The following IPO9 variants were observed in gnomAD, a reference collection of about 807,000 sequenced individuals.
IPO9 encodes the protein importin-9.
Under a neutral mutation model 128.6 loss-of-function variants are expected in IPO9, and 28 were observed. The observed-to-expected ratio is 0.22, with a 90% CI of 0.16 to 0.30. The LOEUF is 0.30. Ranked by LOEUF, IPO9 falls within the 10% of genes least tolerant of loss-of-function variation. The pLI is 1.00. For missense variants in IPO9, 935 were observed against 1,293.9 expected (o/e 0.72, Z 4.26); for synonymous variants, 455 against 475.8 (o/e 0.96, Z 0.57).
At position 201,872,813 on chromosome 1, in the gene IPO9, G is replaced by T. The variant is rs1335461525; in HGVS notation, c.2577-15G>T. 3.1e-6 allele frequency: 5 copies of T among 1,593,566 alleles called. No individual in the cohort carries two copies. Among genetic ancestry groups the T allele is most frequent in the Admixed American group, 3.6e-5 (2 of 55,748 alleles). On this transcript the variant is annotated splice_polypyrimidine_tract_variant and intron_variant, in intron 19 of 23. Coordinates refer to ENST00000361565, the MANE Select transcript of IPO9 (RefSeq NM_018085.5). ...TGGGCGGCTGATTGACCTTTTTTTGGATCTTCCTTGCCAGCTCTGTGGCAC... is the reference window on the plus strand; with the variant it reads ...TGGGCGGCTGATTGACCTTTTTTTGTATCTTCCTTGCCAGCTCTGTGGCAC...
chr1:201,866,103 G>A (rs12058915), intron 14 of IPO9, among the ~76,000 whole-genome samples: 2,360 of 152,208 alleles, frequency 0.016, 58 homozygotes, highest in African/African-American at 0.051. Flanking sequence ...TCTTTACCCT[G>A]AAGTCTCCAG....
chr1:201,844,053 C>A (rs1025420281), intron 1 of IPO9, among the ~76,000 whole-genome samples: 1 of 152,020 alleles, frequency 6.6e-6, no homozygotes, highest in Non-Finnish European at 1.5e-5. Context: ...GTAACACCCA[C>A]AGATGGATGC....
At chr1:201,855,701 A>C (rs553179469) in intron 9 of IPO9, 82 bp from the exon 10 acceptor site, 3 of 1,211,384 alleles carry the variant, frequency 2.5e-6, no homozygotes, top group African/African-American at 3.1e-5. Context: ...TAATTTACAA[A>C]GGTTATGTAG....
chr1:201,875,065 G>A (rs1163870476), intron 22 of IPO9, 87 bp from the exon 23 acceptor site: 14 of 1,393,644 alleles, frequency 1.0e-5, no homozygotes, highest in African/African-American at 1.4e-5. Context: ...TGCACCTTCC[G>A]CCTCAGTCAT....
At position 201,834,159 on chromosome 1, in the gene IPO9, A is replaced by T. The variant is rs183266173; in HGVS notation, c.163+4787A>T. ...CTTCTACCTAAATAGGGTAAAAAAA[A>T]TTTTTTTTAAGTTTTTTTATTCGTT... On this transcript the variant is annotated intron_variant, in intron 1 of 23. Transcript: ENST00000361565. Among the ~76,000 whole-genome samples the T allele has an allele frequency of 6.5e-3, 970 of 149,308 alleles. 9 individuals are homozygous for T. The highest frequency in any genetic ancestry group is 0.022 in the African/African-American group (884 of 40,484).
chr1:201,865,650 T>C (rs1558223185), intron 14 of IPO9, among the ~76,000 whole-genome samples: 1 of 152,214 alleles, frequency 6.6e-6, no homozygotes, highest in Admixed American at 6.5e-5. Flanking sequence ...TTAAATAATC[T>C]CTGAAACAAG....
chr1:201,872,926 A>G lies in IPO9; in HGVS notation c.2675A>G (p.Asp892Gly). 1 of 1,613,844 alleles carries G rather than the reference A, an allele frequency of 6.2e-7. No homozygotes were observed. Among genetic ancestry groups the G allele is most frequent in the Non-Finnish European group, 8.5e-7 (1 of 1,179,920 alleles). Residue 892 changes from aspartate (D) to glycine (G), a missense_variant, in exon 20 of 24, where the codon GAT (aspartate) becomes GGT (glycine). By Grantham distance (94) the Asp-to-Gly change is moderately conservative. This residue lies in a region of IPO9 where 188 missense variants were observed against 246.7 expected (regional missense o/e 0.76). Transcript: ENST00000361565. The part of the protein sequence containing the change: ...RVKGEEIYSM[D>G]EGIRTRSKSA... ...AAGGGAGAGGAGATCTACAGCATGG[A>G]TGAGGGCATCCGCACCCGCTCTAAG...
intron 13 of IPO9, among the ~76,000 whole-genome samples, chr1:201,861,460 G>A (rs1269894103): frequency 6.6e-6 from 1 of 152,194 alleles, no homozygotes; most frequent in Non-Finnish European, 1.5e-5. Context: ...TAGGCTTTGT[G>A]TTACGTGAGT....
In IPO9 at chr1:201,858,531, A is replaced by G. The variant is rs1341579070; in HGVS notation, c.1306A>G (p.Lys436Glu). 1.3e-6 allele frequency: 2 copies of G among 1,584,398 alleles called. No homozygotes were observed. Among genetic ancestry groups the G allele is most frequent in the Non-Finnish European group, 8.6e-7 (1 of 1,164,614 alleles). ...TRHLQEAEQT[K>E]NSGTEHWWKI... ...ACATTTACAAGAAGCTGAGCAAACC[A>G]AAAACAGTGGCACTGAGCACTGGTA... Residue 436 changes from lysine (K) to glutamate (E), a missense_variant, in exon 12 of 24, where the codon AAA (lysine) becomes GAA (glutamate). Lys to Glu is a moderately conservative substitution (Grantham distance 56). Around this residue, in one of 3 missense-constraint regions of IPO9, gnomAD observed 741 missense variants for 1,019.1 expected, o/e 0.73. Coordinates refer to ENST00000361565, the MANE Select transcript of IPO9 (RefSeq NM_018085.5).
rs34353605 is a variant in IPO9 at position 201,868,806 on chromosome 1, C to CGT, written c.2004+32_2004+33dup. The CGT allele has an allele frequency of 0.014, 19,074 of 1,346,966 alleles. 32 individuals are homozygous for CGT. The highest frequency in any genetic ancestry group is 0.049 in the Middle Eastern group (253 of 5,160). 83.4% of individuals were successfully genotyped at this position (1,346,966 alleles called of 1,614,324 possible). A position where few individuals can be genotyped will look rare whatever the true frequency, so the allele number is the denominator to read the frequency against. On this transcript the variant is annotated intron_variant, in intron 16 of 23. Transcript: ENST00000361565. The stretch of plus-strand genomic sequence containing the variant: ...TGCAGGGCTTTGTGCGGTAAGTGGC[C>CGT]GTGTGTGTGTGTGTGTGTGTGTGAG...
chr1:201,844,261 A>G (rs973014252), intron 1 of IPO9, among the ~76,000 whole-genome samples: 10 of 152,220 alleles, frequency 6.6e-5, no homozygotes, highest in Non-Finnish European at 2.9e-5. Context: ...CTAATATGAT[A>G]TACTGAGAAG....
intron 20 of IPO9, 139 bp from the exon 21 acceptor site, chr1:201,874,111 T>G: frequency 1.2e-6 from 1 of 825,884 alleles, no homozygotes; most frequent in Non-Finnish European, 1.9e-6. Context: ...AGTCACTCTT[T>G]GGAGACTGGA....
At chr1:201,871,575 T>C (rs571586601) in intron 19 of IPO9, among the ~76,000 whole-genome samples, 1 of 152,064 alleles carries the variant, frequency 6.6e-6, no homozygotes, top group East Asian at 1.9e-4. Context: ...GTGTTTTTAG[T>C]AGAGAGAGGG....
intron 14 of IPO9, among the ~76,000 whole-genome samples, chr1:201,864,249 C>T (rs1377399665): frequency 1.3e-5 from 2 of 152,122 alleles, no homozygotes; most frequent in African/African-American, 4.8e-5. Flanking sequence ...TTTGAGATGC[C>T]GTGTGTTATA....
intron 13 of IPO9, among the ~76,000 whole-genome samples, chr1:201,860,940 G>A (rs12117921): frequency 0.21 from 31,946 of 152,052 alleles, 3,495 homozygotes; most frequent in South Asian, 0.26. Flanking sequence ...GGCTGAGGTG[G>A]GCGGATCATG....
intron 1 of IPO9, among the ~76,000 whole-genome samples, chr1:201,836,809 T>C (rs748116296): frequency 2.6e-5 from 4 of 152,224 alleles, no homozygotes; most frequent in Admixed American, 6.5e-5. Context: ...TTTTGAGGCT[T>C]TGAAACATGT....
chr1:201,876,317 A>G lies in IPO9; in HGVS notation c.*263A>G. The G allele has an allele frequency of 1.7e-6, 1 of 574,134 alleles. No homozygotes were observed. Among genetic ancestry groups the G allele is most frequent in the Non-Finnish European group, 3.2e-6 (1 of 310,660 alleles). The allele number at this position is 574,134 out of a possible 1,614,324, so 35.6% of individuals were successfully genotyped here. A position where few individuals can be genotyped will look rare whatever the true frequency, so the allele number is the denominator to read the frequency against. Reference sequence around the variant, plus strand: ...CTTTTTTCTCCCCGACTCTACCCCCACCTCTGTTCCTAGAGCCCTCTGCTG... The same window carrying G: ...CTTTTTTCTCCCCGACTCTACCCCCGCCTCTGTTCCTAGAGCCCTCTGCTG... On this transcript the variant is annotated 3_prime_UTR_variant, in exon 24 of 24. Transcript: ENST00000361565.
intron 20 of IPO9, 74 bp from the exon 21 acceptor site, chr1:201,874,176 G>A: frequency 6.5e-7 from 1 of 1,543,084 alleles, no homozygotes; most frequent in Non-Finnish European, 8.9e-7. Flanking sequence ...GAGTGGCACT[G>A]AGGAGAGGAC....
At chr1:201,835,405 G>T (rs569202848) in intron 1 of IPO9, among the ~76,000 whole-genome samples, 26 of 152,234 alleles carry the variant, frequency 1.7e-4, no homozygotes, top group African/African-American at 6.3e-4. Context: ...GGAAGCAAAA[G>T]ACTAAAAGAG....
Sources: allele counts gnomAD v4.1 joint callset (sites outside exome capture counted in the v4.1 genomes callset), GRCh38; gene constraint gnomAD v4.1.1; regional missense constraint gnomAD v4.1.1; transcripts MANE v1.5; gene names NCBI Gene and HGNC (gene_info 2026-07-23, HGNC 2026-07-21).